Variants in NDST4 observed in about 807,000 individuals in gnomAD.
NDST4 encodes N-deacetylase and N-sulfotransferase 4, also known as N-heparan sulfate sulfotransferase 4.
Under a neutral mutation model 100.8 loss-of-function variants are expected in NDST4, and 63 were observed. That is an observed-to-expected ratio of 0.62 (90% CI 0.51 to 0.77). The LOEUF is 0.77. Ranked by LOEUF, NDST4 falls within the 30% of genes least tolerant of loss-of-function variation. The probability of loss-of-function intolerance (pLI) is 0.00; values close to 1 mark genes in which losing one functional copy is unlikely to be tolerated. For missense variants in NDST4, 943 were observed against 1,018.4 expected (o/e 0.93, Z 1.01); for synonymous variants, 377 against 361.8 (o/e 1.04, Z -0.48).
chr4:115,049,981 A>G (rs976310820), intron 2 of NDST4, among the ~76,000 whole-genome samples: 7 of 152,120 alleles, frequency 4.6e-5, no homozygotes, highest in African/African-American at 1.7e-4. Context: ...GGTATTGCCT[A>G]AATTCTGTCA....
At chr4:114,880,992 C>T (rs1428886679) in intron 6 of NDST4, among the ~76,000 whole-genome samples, 1 of 151,984 alleles carries the variant, frequency 6.6e-6, no homozygotes, top group Non-Finnish European at 1.5e-5. Context: ...ACAGTGCCTT[C>T]TAGAAACTAA....
chr4:114,848,734 A>G (rs1381919282), intron 8 of NDST4, among the ~76,000 whole-genome samples: 1 of 152,200 alleles, frequency 6.6e-6, no homozygotes, highest in Admixed American at 6.5e-5. Context: ...TTCAATTAGC[A>G]TTGAAATTCA....
intron 4 of NDST4, among the ~76,000 whole-genome samples, chr4:114,969,488 T>C (rs1726460969): frequency 6.6e-6 from 1 of 152,148 alleles, no homozygotes; most frequent in Admixed American, 6.5e-5. Context: ...TCAAGCAGGC[T>C]CCAGGGTTTG....
intron 7 of NDST4, among the ~76,000 whole-genome samples, chr4:114,866,733 G>A (rs1724034810): frequency 1.3e-5 from 2 of 152,108 alleles, no homozygotes; most frequent in South Asian, 2.1e-4. Context: ...TAAATAAGTT[G>A]TAGGGTGGTA....
chr4:115,110,048 G>A (rs1010488069), intron 1 of NDST4, among the ~76,000 whole-genome samples: 1 of 151,688 alleles, frequency 6.6e-6, no homozygotes, highest in Admixed American at 6.6e-5. Context: ...TAGCTTTTGA[G>A]GAAATCTATT....
At chr4:115,044,896 G>T (rs1728432440) in intron 2 of NDST4, among the ~76,000 whole-genome samples, 1 of 151,648 alleles carries the variant, frequency 6.6e-6, no homozygotes, top group African/African-American at 2.4e-5. Flanking sequence ...TGATTAAAAT[G>T]AATTCAAATT....
chr4:115,064,529 G>T (rs1159307827), intron 2 of NDST4, among the ~76,000 whole-genome samples: 1 of 152,032 alleles, frequency 6.6e-6, no homozygotes, highest in East Asian at 1.9e-4. Flanking sequence ...AGAAAAAGGA[G>T]TTCCAAATTC....
chr4:114,846,538 TTA>T, intron 9 of NDST4, among the ~76,000 whole-genome samples: 1 of 152,288 alleles, frequency 6.6e-6, no homozygotes, highest in East Asian at 1.9e-4. Flanking sequence ...TGTGAACACT[TTA>T]TAGTCTATCT....
At chr4:115,023,970 A>C (rs1727922125) in intron 2 of NDST4, among the ~76,000 whole-genome samples, 1 of 152,136 alleles carries the variant, frequency 6.6e-6, no homozygotes, top group African/African-American at 2.4e-5. Context: ...GCCACGCTCA[A>C]GTGGCCCCAG....
chr4:114,957,017 C>T lies in NDST4; in HGVS notation c.1221+13413G>A, dbSNP rs1726156302. Among the ~76,000 whole-genome samples the T allele has an allele frequency of 2.6e-5, 4 of 152,052 alleles. No individual in the cohort carries two copies. In the South Asian group the frequency reaches 8.3e-4, roughly 31 times the overall value. On this transcript the variant is annotated intron_variant, in intron 4 of 13. Coordinates refer to ENST00000264363, the MANE Select transcript of NDST4 (RefSeq NM_022569.3). ...AAAGATTTCAAATTTGTTCAAAGAA[C>T]TAAAGCAAACTAGGCCTGAAGACAT...
chr4:114,976,666 T>C (rs917057706), intron 3 of NDST4, among the ~76,000 whole-genome samples: 1 of 151,916 alleles, frequency 6.6e-6, no homozygotes, highest in African/African-American at 2.4e-5. Flanking sequence ...TTAGGCCAAA[T>C]TAGTGGTAAT....
At chr4:115,040,589 G>A (rs1301651739) in intron 2 of NDST4, among the ~76,000 whole-genome samples, 1 of 151,832 alleles carries the variant, frequency 6.6e-6, no homozygotes, top group Non-Finnish European at 1.5e-5. Flanking sequence ...CAAGTATGAT[G>A]CCAAAGCTGG....
At chr4:114,973,309 T>C (rs2126242146) in intron 3 of NDST4, among the ~76,000 whole-genome samples, 1 of 152,066 alleles carries the variant, frequency 6.6e-6, no homozygotes, top group Admixed American at 6.6e-5. Flanking sequence ...TGTGGAAATA[T>C]CATTTGCAGT....
chr4:114,845,867 T>C lies in NDST4; in HGVS notation c.2071A>G (p.Thr691Ala). Residue 691 changes from threonine (T) to alanine (A), a missense_variant, in exon 10 of 14, where the codon ACC (threonine) becomes GCC (alanine). This residue lies in a region of NDST4 where 526 missense variants were observed against 634.1 expected (regional missense o/e 0.83). Transcript: ENST00000264363. ...ASLVPKAKIITILIDPSDRAY... is the reference protein window; with the variant it reads ...ASLVPKAKIIAILIDPSDRAY... Reference sequence around the variant, plus strand: ...CTGTCTGAGGGGTCAATGAGGATGGTGATGATCTTGGCTTTGGGGACAAGA... The same window carrying C: ...CTGTCTGAGGGGTCAATGAGGATGGCGATGATCTTGGCTTTGGGGACAAGA... 1 of 1,614,114 alleles carries C rather than the reference T, an allele frequency of 6.2e-7. No individual in the cohort carries two copies. Among genetic ancestry groups the C allele is most frequent in the Non-Finnish European group, 8.5e-7 (1 of 1,180,000 alleles).
At chr4:114,985,568 C>CA (rs993474150) in intron 2 of NDST4, among the ~76,000 whole-genome samples, 50 of 152,216 alleles carry the variant, frequency 3.3e-4, no homozygotes, top group African/African-American at 1.1e-3. Context: ...CACGGAGAGG[C>CA]TACATAAATT....
intron 6 of NDST4, among the ~76,000 whole-genome samples, chr4:114,877,182 A>G (rs1474212375): frequency 6.6e-6 from 1 of 152,178 alleles, no homozygotes; most frequent in South Asian, 2.1e-4. Context: ...AATTCATCAA[A>G]CTTCCGTCTA....
At chr4:114,913,038 G>C (rs1000930595) in intron 6 of NDST4, among the ~76,000 whole-genome samples, 4 of 151,786 alleles carry the variant, frequency 2.6e-5, no homozygotes, top group African/African-American at 9.7e-5. Context: ...AATATTATGA[G>C]TTTGTTTTTC....
chr4:114,838,833 A>T (rs1723362974), intron 11 of NDST4, among the ~76,000 whole-genome samples: 1 of 151,900 alleles, frequency 6.6e-6, no homozygotes. Flanking sequence ...ATCAATACAA[A>T]AAAAAATATA....
intron 10 of NDST4, among the ~76,000 whole-genome samples, chr4:114,840,009 C>T (rs1723392270): frequency 6.6e-6 from 1 of 152,142 alleles, no homozygotes; most frequent in Admixed American, 6.5e-5. Flanking sequence ...AGTAGTCTTA[C>T]ATGTTTCTTG....
Sources: allele counts gnomAD v4.1 joint callset (sites outside exome capture counted in the v4.1 genomes callset), GRCh38; gene constraint gnomAD v4.1.1; regional missense constraint gnomAD v4.1.1; transcripts MANE v1.5; gene names NCBI Gene and HGNC (gene_info 2026-07-23, HGNC 2026-07-21).